The following ILRUN variants were observed in gnomAD, a reference collection of about 807,000 sequenced individuals.
The protein encoded by ILRUN is protein ILRUN.
Under a neutral mutation model 33.8 loss-of-function variants are expected in ILRUN, and 3 were observed. The observed-to-expected ratio is 0.09, with a 90% CI of 0.04 to 0.23. The LOEUF is 0.23. Among genes scored for constraint, ILRUN ranks in the 10% least tolerant of loss-of-function variants. The probability of loss-of-function intolerance (pLI) is 1.00; values close to 1 mark genes in which losing one functional copy is unlikely to be tolerated. For synonymous variants in ILRUN, 124 were observed against 138.9 expected (o/e 0.89, Z 0.75); for missense variants, 210 against 375.1 (o/e 0.56, Z 3.64).
chr6:34,587,800 C>CCACA lies in ILRUN; in HGVS notation c.*2761_*2764dup, dbSNP rs925928269. The stretch of plus-strand genomic sequence containing the variant: ...AAAGCATGCACACGTGCACATCCAT[C>CCACA]CACACACACACACCTCACTCCATGC... On this transcript the variant is annotated 3_prime_UTR_variant, in exon 5 of 5. Transcript: ENST00000374023. 5.5e-6 allele frequency: 2 copies of CCACA among 366,408 alleles called. No homozygotes were observed. Among genetic ancestry groups the CCACA allele is most frequent in the Non-Finnish European group, 9.7e-6 (2 of 205,608 alleles). 22.7% of individuals were successfully genotyped at this position (366,408 alleles called of 1,614,324 possible). A position where few individuals can be genotyped will look rare whatever the true frequency, so the allele number is the denominator to read the frequency against.
At chr6:34,691,090 A>G (rs1036000800) in intron 1 of ILRUN, among the ~76,000 whole-genome samples, 3 of 151,926 alleles carry the variant, frequency 2.0e-5, no homozygotes, top group African/African-American at 4.8e-5. Context: ...GGGTTCCACC[A>G]TGTTAGCCAG....
At chr6:34,639,497 C>T (rs1295831150) in intron 3 of ILRUN, among the ~76,000 whole-genome samples, 1 of 152,202 alleles carries the variant, frequency 6.6e-6, no homozygotes, top group Non-Finnish European at 1.5e-5. Context: ...AAAACAAGGA[C>T]AATCACTCAT....
At chr6:34,680,406 G>T (rs1168121153) in intron 1 of ILRUN, among the ~76,000 whole-genome samples, 1 of 151,306 alleles carries the variant, frequency 6.6e-6, no homozygotes, top group Non-Finnish European at 1.5e-5. Context: ...TTATTTTTTT[G>T]TTTATTTGTT....
At chr6:34,616,947 C>A in intron 3 of ILRUN, 1 of 570,738 alleles carries the variant, frequency 1.8e-6, no homozygotes, top group Non-Finnish European at 3.4e-6. Context: ...TAGGAGTACC[C>A]AAATCTGAAG....
At chr6:34,652,978 C>T (rs1346960307) in intron 2 of ILRUN, among the ~76,000 whole-genome samples, 1 of 151,542 alleles carries the variant, frequency 6.6e-6, no homozygotes, top group Non-Finnish European at 1.5e-5. Flanking sequence ...CCTATTTCTA[C>T]AAAAACTTTA....
chr6:34,611,089 TTCTTTCTG>T, intron 3 of ILRUN, among the ~76,000 whole-genome samples: 1 of 142,744 alleles, frequency 7.0e-6, no homozygotes, highest in African/African-American at 2.7e-5. Context: ...CTTTCTTTCT[TTCTTTCTG>T]ATGTCTTTTT....
intron 1 of ILRUN, among the ~76,000 whole-genome samples, chr6:34,683,503 T>TATACAC (rs1763446486): frequency 1.0e-5 from 1 of 95,280 alleles, no homozygotes; most frequent in African/African-American, 6.4e-5. Context: ...TATATACATA[T>TATACAC]ATATATATAT....
intron 1 of ILRUN, among the ~76,000 whole-genome samples, chr6:34,656,614 G>A (rs1446009363): frequency 6.6e-6 from 1 of 152,212 alleles, no homozygotes; most frequent in Non-Finnish European, 1.5e-5. Context: ...AATCCACTGA[G>A]CTGTTTTTAA....
chr6:34,658,784 G>A, intron 1 of ILRUN, among the ~76,000 whole-genome samples: 1 of 152,036 alleles, frequency 6.6e-6, no homozygotes. Flanking sequence ...CTCCAGCCTG[G>A]GCAACAGGGC....
chr6:34,653,809 C>T (rs1054325342), intron 2 of ILRUN, among the ~76,000 whole-genome samples: 1 of 151,852 alleles, frequency 6.6e-6, no homozygotes, highest in Admixed American at 6.6e-5. Context: ...TCCATCTCTA[C>T]AATTAAAAAA....
chr6:34,632,506 T>A (rs1762268978), intron 3 of ILRUN, among the ~76,000 whole-genome samples: 1 of 152,134 alleles, frequency 6.6e-6, no homozygotes, highest in South Asian at 2.1e-4. Context: ...CTCTTTAGAC[T>A]TTATTTTCTA....
chr6:34,670,514 A>G (rs760095535), intron 1 of ILRUN, among the ~76,000 whole-genome samples: 2 of 152,222 alleles, frequency 1.3e-5, no homozygotes, highest in Non-Finnish European at 2.9e-5. Context: ...TCACCATGTT[A>G]GTATCTCAAC....
At chr6:34,593,936 A>G (rs193142724) in intron 4 of ILRUN, among the ~76,000 whole-genome samples, 2 of 152,238 alleles carry the variant, frequency 1.3e-5, no homozygotes, top group African/African-American at 4.8e-5. Flanking sequence ...GCCAAGCAGG[A>G]AGACCATCGC....
intron 1 of ILRUN, among the ~76,000 whole-genome samples, chr6:34,681,465 A>G (rs1187058073): frequency 1.3e-5 from 2 of 152,194 alleles, no homozygotes; most frequent in African/African-American, 4.8e-5. Flanking sequence ...GTGATTTAGA[A>G]AGAGTTTAAA....
chr6:34,643,765 C>T lies in ILRUN; in HGVS notation c.511+2836G>A, dbSNP rs149169316. ...TTGCCCAGGCTGGAGCGCAGTGGCGCGATCTCGGCTCATGGCAACCTCCAC... is the reference window on the plus strand; with the variant it reads ...TTGCCCAGGCTGGAGCGCAGTGGCGTGATCTCGGCTCATGGCAACCTCCAC... On this transcript the variant is annotated intron_variant, in intron 3 of 4. Transcript: ENST00000374023. Among the ~76,000 whole-genome samples, 677 of 152,340 alleles carry T rather than the reference C, an allele frequency of 4.4e-3. 6 individuals carry two copies. Among genetic ancestry groups the T allele is most frequent in the African/African-American group, 0.015 (605 of 41,568 alleles).
chr6:34,686,039 A>G (rs1478600669), intron 1 of ILRUN, among the ~76,000 whole-genome samples: 1 of 152,188 alleles, frequency 6.6e-6, no homozygotes, highest in Non-Finnish European at 1.5e-5. Context: ...CTAAGATATG[A>G]CATCAAAAAC....
chr6:34,587,535 G>A lies in ILRUN; in HGVS notation c.*3030C>T, dbSNP rs1161422768. 3.9e-5 allele frequency: 6 copies of A among 152,592 alleles called. No individual in the cohort carries two copies. Among genetic ancestry groups the A allele is most frequent in the African/African-American group, 1.4e-4 (6 of 41,398 alleles). 9.5% of individuals were successfully genotyped at this position (152,592 alleles called of 1,614,324 possible). A position where few individuals can be genotyped will look rare whatever the true frequency, so the allele number is the denominator to read the frequency against. ...TAATCAGCTTGCACTTCTGAGCCCTGGCAACCCTACCATCCTCTCCTGCTG... is the reference window on the plus strand; with the variant it reads ...TAATCAGCTTGCACTTCTGAGCCCTAGCAACCCTACCATCCTCTCCTGCTG... On this transcript the variant is annotated 3_prime_UTR_variant, in exon 5 of 5. Coordinates refer to ENST00000374023, the MANE Select transcript of ILRUN (RefSeq NM_024294.4).
At chr6:34,673,857 A>ACACG (rs1367560796) in intron 1 of ILRUN, among the ~76,000 whole-genome samples, 1 of 147,754 alleles carries the variant, frequency 6.8e-6, no homozygotes, top group African/African-American at 2.6e-5. Flanking sequence ...ACACACACAC[A>ACACG]CGCTGGGTGA....
At chr6:34,603,358 C>T (rs1278962209) in intron 4 of ILRUN, among the ~76,000 whole-genome samples, 1 of 152,076 alleles carries the variant, frequency 6.6e-6, no homozygotes, top group Non-Finnish European at 1.5e-5. Flanking sequence ...ACTAAAAATA[C>T]AAAAATTTAC....
Sources: allele counts gnomAD v4.1 joint callset (sites outside exome capture counted in the v4.1 genomes callset), GRCh38; gene constraint gnomAD v4.1.1; transcripts MANE v1.5; gene names NCBI Gene and HGNC (gene_info 2026-07-23, HGNC 2026-07-21).